The following TBC1D4 variants were observed in gnomAD, a reference collection of about 807,000 sequenced individuals.
TBC1D4 encodes TBC1 domain family member 4.
Under a neutral mutation model 142.5 loss-of-function variants are expected in TBC1D4, and 121 were observed. That is an observed-to-expected ratio of 0.85 (90% CI 0.73 to 0.99). The LOEUF (loss-of-function observed/expected upper bound fraction) is 0.99. Ranked by LOEUF, TBC1D4 falls within the 50% of genes least tolerant of loss-of-function variation. The probability of loss-of-function intolerance (pLI) is 0.00; values close to 1 mark genes in which losing one functional copy is unlikely to be tolerated. For synonymous variants in TBC1D4, 630 were observed against 628.2 expected, an observed-to-expected ratio of 1.00 and a Z score of -0.04; for missense variants, 1,475 against 1,606.6, an observed-to-expected ratio of 0.92 and a Z score of 1.40.
At chr13:75,460,106 G>C (rs1226180911) in intron 1 of TBC1D4, among the ~76,000 whole-genome samples, 1 of 152,092 alleles carries the variant, frequency 6.6e-6, no homozygotes, top group Non-Finnish European at 1.5e-5. Flanking sequence ...TCGCGCCACT[G>C]CACTGCAGCC....
At chr13:75,369,661 C>A (rs1883119189) in intron 1 of TBC1D4, among the ~76,000 whole-genome samples, 1 of 152,076 alleles carries the variant, frequency 6.6e-6, no homozygotes, top group Non-Finnish European at 1.5e-5. Context: ...ATATGATACC[C>A]CCTAGGTCTC....
chr13:75,355,948 T>C (rs534050468), intron 4 of TBC1D4, among the ~76,000 whole-genome samples, 199 bp downstream of exon 4: 16 of 152,368 alleles, frequency 1.1e-4, no homozygotes, highest in Middle Eastern at 3.4e-3. Flanking sequence ...CACAAAAGTA[T>C]GTAGGCATAT....
chr13:75,425,313 T>TA (rs1266901480), intron 1 of TBC1D4, among the ~76,000 whole-genome samples: 1 of 152,002 alleles, frequency 6.6e-6, no homozygotes, highest in African/African-American at 2.4e-5. Flanking sequence ...ATGGTTATTA[T>TA]AAAAAAAGAT....
intron 1 of TBC1D4, among the ~76,000 whole-genome samples, chr13:75,453,625 G>A (rs1254545197): frequency 6.6e-6 from 1 of 152,210 alleles, no homozygotes; most frequent in East Asian, 1.9e-4. Context: ...ACTTTGGGAT[G>A]CCAAGGTGGG....
Position 75,292,129 on chromosome 13 carries a change from G to T in TBC1D4, c.3459C>A (p.Thr1153=), listed in dbSNP as rs368284408. Residue 1153 remains threonine (T), a synonymous_variant, in exon 19 of 21, where the codon ACC becomes ACA. Coordinates refer to ENST00000377636, the MANE Select transcript of TBC1D4 (RefSeq NM_014832.5). The part of the protein sequence containing the change: ...FLKNTLPDMN[T]SEMEKIITQV... ...GGGTAATAATTTTTTCCATTTCAGA[G>T]GTATTCATATCAGGTAGCGTGTTTT... The T allele has an allele frequency of 6.2e-7, 1 of 1,612,066 alleles. No individual in the cohort carries two copies. Among genetic ancestry groups the T allele is most frequent in the Non-Finnish European group, 8.5e-7 (1 of 1,178,996 alleles).
intron 1 of TBC1D4, among the ~76,000 whole-genome samples, chr13:75,401,641 C>T (rs1885099711): frequency 6.6e-6 from 1 of 152,206 alleles, no homozygotes; most frequent in African/African-American, 2.4e-5. Context: ...GATTAATCTA[C>T]ATTTTCTCAC....
chr13:75,332,328 C>T (rs1026729711), intron 8 of TBC1D4, among the ~76,000 whole-genome samples: 15 of 152,214 alleles, frequency 9.9e-5, no homozygotes, highest in African/African-American at 3.4e-4. Flanking sequence ...ATCCATTTCA[C>T]AAATGGGAAA....
intron 1 of TBC1D4, among the ~76,000 whole-genome samples, chr13:75,437,898 A>G (rs1886866790): frequency 2.0e-5 from 3 of 152,208 alleles, no homozygotes; most frequent in South Asian, 4.1e-4. Context: ...TCAAAAGAGT[A>G]CAGAGTTTTG....
chr13:75,342,614 G>GA (rs1437366061), intron 5 of TBC1D4, among the ~76,000 whole-genome samples: 2 of 151,870 alleles, frequency 1.3e-5, no homozygotes, highest in Non-Finnish European at 2.9e-5. Flanking sequence ...AAGTCCTTGG[G>GA]AAAATCTTTT....
chr13:75,300,608 C>T (rs1038886808), intron 16 of TBC1D4, among the ~76,000 whole-genome samples: 21 of 152,096 alleles, frequency 1.4e-4, no homozygotes, highest in African/African-American at 5.1e-4. Context: ...ACACAGATGG[C>T]TACAAGCAGA....
At chr13:75,433,786 T>G (rs1886683680) in intron 1 of TBC1D4, among the ~76,000 whole-genome samples, 1 of 152,044 alleles carries the variant, frequency 6.6e-6, no homozygotes, top group African/African-American at 2.4e-5. Flanking sequence ...AAGTCTAACA[T>G]CCAGTGTCTA....
intron 4 of TBC1D4, among the ~76,000 whole-genome samples, chr13:75,353,872 C>A (rs886882985): frequency 6.6e-6 from 1 of 152,192 alleles, no homozygotes; most frequent in Non-Finnish European, 1.5e-5. Context: ...TGAAAGGCAG[C>A]AAGCCCTGGT....
At chr13:75,422,927 G>C (rs752781142) in intron 1 of TBC1D4, among the ~76,000 whole-genome samples, 1 of 151,984 alleles carries the variant, frequency 6.6e-6, no homozygotes, top group Non-Finnish European at 1.5e-5. Context: ...AGCCACCATC[G>C]GTTGACCAAT....
At chr13:75,418,163 T>A (rs1242624352) in intron 1 of TBC1D4, among the ~76,000 whole-genome samples, 2 of 152,232 alleles carry the variant, frequency 1.3e-5, no homozygotes, top group Non-Finnish European at 2.9e-5. Context: ...TGTGATTCAT[T>A]TAAAATTAAG....
intron 5 of TBC1D4, among the ~76,000 whole-genome samples, chr13:75,342,067 G>A (rs956315043): frequency 3.3e-5 from 5 of 151,740 alleles, no homozygotes; most frequent in South Asian, 2.1e-4. Flanking sequence ...CCATGGTGGC[G>A]GGGGCCTGTA....
At chr13:75,474,652 T>A (rs1252988608) in intron 1 of TBC1D4, among the ~76,000 whole-genome samples, 1 of 149,708 alleles carries the variant, frequency 6.7e-6, no homozygotes, top group Non-Finnish European at 1.5e-5. Flanking sequence ...TAACCTTTTT[T>A]TTTTTTTTTA....
At position 75,326,328 on chromosome 13, in the gene TBC1D4, C is replaced by T. The variant is rs184072266; in HGVS notation, c.1902G>A (p.Pro634=). The change falls in exon 10 of 21, where the codon CCG becomes CCA. Residue 634 remains proline (P), a synonymous_variant. Coordinates refer to ENST00000377636, the MANE Select transcript of TBC1D4 (RefSeq NM_014832.5). ...QTFPEEDSDS[P]QFRRRAHTFS... ...ACGTGTGTGCCCGTCTTCGAAACTG[C>T]GGGGAGTCGGAATCCTCTTCGGGAA... The T allele has an allele frequency of 6.3e-5, 102 of 1,614,044 alleles. 1 individual carries two copies. Among genetic ancestry groups the T allele is most frequent in the Middle Eastern group, 3.3e-4 (2 of 6,062 alleles).
At chr13:75,454,025 ATTT>A (rs71127543) in intron 1 of TBC1D4, among the ~76,000 whole-genome samples, 77 of 146,542 alleles carry the variant, frequency 5.3e-4, no homozygotes, top group Non-Finnish European at 6.6e-4. Context: ...ATAAATCTCT[ATTT>A]TTTTTTTTTT....
chr13:75,318,331 C>T (rs1019680196), intron 12 of TBC1D4, among the ~76,000 whole-genome samples: 2 of 152,232 alleles, frequency 1.3e-5, no homozygotes. Flanking sequence ...CTCCCAGCAT[C>T]TGCACTTCAG....
Sources: gnomAD v4.1 joint callset for allele counts (sites outside exome capture counted in the v4.1 genomes callset) on GRCh38, gnomAD v4.1.1 for gene constraint, MANE v1.5 for transcripts, NCBI Gene and HGNC (gene_info 2026-07-23, HGNC 2026-07-21) for gene names.